SYT17: variants seen among roughly 807,000 people sequenced by gnomAD.
SYT17 encodes the protein synaptotagmin 17, also known as synaptotagmin-17.
SYT17 carries 22 observed loss-of-function variants against 46.7 expected under a neutral mutation model. That is an observed-to-expected ratio of 0.47 (90% CI 0.34 to 0.67). The LOEUF is 0.67. Ranked by LOEUF, SYT17 falls within the 30% of genes least tolerant of loss-of-function variation. The pLI is 0.01. For synonymous variants in SYT17, 251 were observed against 248.4 expected (o/e 1.01, Z -0.10); for missense variants, 519 against 612.8 (o/e 0.85, Z 1.62).
At chr16:19,211,726 C>T (rs150650924) in intron 5 of SYT17, among the ~76,000 whole-genome samples, 2,826 of 151,958 alleles carry the variant, frequency 0.019, 95 homozygotes, top group African/African-American at 0.063. Flanking sequence ...CCCGGGTTCA[C>T]GGCATTCCCC....
chr16:19,214,013 C>A (rs1436430308), intron 5 of SYT17, among the ~76,000 whole-genome samples: 8 of 152,122 alleles, frequency 5.3e-5, no homozygotes. Flanking sequence ...CTGTCTTGTA[C>A]CTTGTAGGAT....
At chr16:19,235,516 G>T (rs2142928503) in intron 7 of SYT17, among the ~76,000 whole-genome samples, 2 of 152,206 alleles carry the variant, frequency 1.3e-5, no homozygotes, top group Middle Eastern at 3.4e-3. Flanking sequence ...ATTAAAAATG[G>T]CCAGGATACA....
chr16:19,202,132 G>A (rs187504138), intron 5 of SYT17, among the ~76,000 whole-genome samples: 1 of 151,994 alleles, frequency 6.6e-6, no homozygotes, highest in Non-Finnish European at 1.5e-5. Context: ...TAAATGCCTG[G>A]AGTTAGTGCA....
intron 7 of SYT17, among the ~76,000 whole-genome samples, chr16:19,263,900 G>C (rs1969176894): frequency 6.6e-6 from 1 of 152,290 alleles, no homozygotes; most frequent in African/African-American, 2.4e-5. Flanking sequence ...CAGCTGCTGT[G>C]GTCTGAATAG....
intron 7 of SYT17, among the ~76,000 whole-genome samples, chr16:19,228,344 T>G (rs1966568665): frequency 6.6e-6 from 1 of 152,142 alleles, no homozygotes; most frequent in African/African-American, 2.4e-5. Context: ...GCTTCTCTCC[T>G]GTAAGTTTTG....
intron 7 of SYT17, among the ~76,000 whole-genome samples, chr16:19,235,215 GT>G (rs1966836447): frequency 6.6e-6 from 1 of 152,060 alleles, no homozygotes; most frequent in Non-Finnish European, 1.5e-5. Context: ...CCATAAAACT[GT>G]GTATGTACTA....
chr16:19,212,768 A>G (rs1457517193), intron 5 of SYT17, among the ~76,000 whole-genome samples: 1 of 152,264 alleles, frequency 6.6e-6, no homozygotes, highest in African/African-American at 2.4e-5. Flanking sequence ...AAGACTTCAC[A>G]GAGTTGGAGA....
Position 19,262,252 on chromosome 16 carries a change from G to C in SYT17, c.1229-4628G>C, listed in dbSNP as rs1969030400. On this transcript the variant is annotated intron_variant, in intron 7 of 7. Transcript: ENST00000355377. ...CTAATCCCCATGTGGGAGGTGATTAGACCATGAAGGCTCTGTCCTCATGAA... is the reference window on the plus strand; with the variant it reads ...CTAATCCCCATGTGGGAGGTGATTACACCATGAAGGCTCTGTCCTCATGAA... 1.3e-5 allele frequency among the ~76,000 whole-genome samples: 2 copies of C among 152,194 alleles called. 1 individual carries two copies. Among genetic ancestry groups the C allele is most frequent in the Admixed American group, 1.3e-4 (2 of 15,282 alleles).
chr16:19,232,477 A>G (rs1966735655), intron 7 of SYT17, among the ~76,000 whole-genome samples: 1 of 152,162 alleles, frequency 6.6e-6, no homozygotes, highest in African/African-American at 2.4e-5. Context: ...TTGGGAAACA[A>G]ATAGACCCAG....
chr16:19,236,338 A>T (rs923616039), intron 7 of SYT17, among the ~76,000 whole-genome samples: 5 of 152,208 alleles, frequency 3.3e-5, no homozygotes, highest in African/African-American at 1.2e-4. Context: ...CAACAAACAT[A>T]TAAGTTATGA....
chr16:19,259,265 A>C (rs7202507), intron 7 of SYT17, among the ~76,000 whole-genome samples: 7,688 of 152,212 alleles, frequency 0.051, 626 homozygotes, highest in African/African-American at 0.17. Context: ...TGTGAGAGTA[A>C]AGTTTCCACT....
intron 7 of SYT17, among the ~76,000 whole-genome samples, chr16:19,260,503 C>CAAAAA (rs58392770): frequency 2.6e-5 from 2 of 76,194 alleles, no homozygotes; most frequent in African/African-American, 4.7e-5. Context: ...GACCTTGTCT[C>CAAAAA]AAAAAAAAAA....
intron 5 of SYT17, among the ~76,000 whole-genome samples, chr16:19,208,884 C>CTTTTTTTTTTTTTTTTTTTTTTTT: frequency 1.6e-5 from 1 of 63,312 alleles, no homozygotes; most frequent in African/African-American, 7.0e-5. Context: ...CAAGGACCTT[C>CTTTTTTTTTTTTTTTTTTTTTTTT]TTTTTTTTTT....
intron 5 of SYT17, among the ~76,000 whole-genome samples, chr16:19,209,122 G>A (rs1965790253): frequency 6.6e-6 from 1 of 151,824 alleles, no homozygotes; most frequent in South Asian, 2.1e-4. Flanking sequence ...GCCTGCCTCA[G>A]CCTCTTAAAG....
At chr16:19,251,175 G>C (rs1282150367) in intron 7 of SYT17, among the ~76,000 whole-genome samples, 1 of 152,054 alleles carries the variant, frequency 6.6e-6, no homozygotes, top group Non-Finnish European at 1.5e-5. Context: ...GCATAATTTG[G>C]GATGCCGCAT....
chr16:19,258,765 G>A (rs1266006588), intron 7 of SYT17, among the ~76,000 whole-genome samples: 1 of 152,176 alleles, frequency 6.6e-6, no homozygotes, highest in Non-Finnish European at 1.5e-5. Context: ...GCAAAACACA[G>A]AATGATCTGG....
At chr16:19,264,912 G>C (rs987766947) in intron 7 of SYT17, among the ~76,000 whole-genome samples, 15 of 152,080 alleles carry the variant, frequency 9.9e-5, no homozygotes, top group African/African-American at 3.6e-4. Flanking sequence ...CTTTCTTAAA[G>C]CCCTTTCACA....
At chr16:19,184,615 C>T (rs1010832852) in intron 5 of SYT17, among the ~76,000 whole-genome samples, 6 of 151,546 alleles carry the variant, frequency 4.0e-5, no homozygotes, top group South Asian at 2.1e-4. Context: ...AGGATGGTCT[C>T]GATCTCCTGA....
At chr16:19,243,576 T>A (rs1967293310) in intron 7 of SYT17, among the ~76,000 whole-genome samples, 1 of 152,040 alleles carries the variant, frequency 6.6e-6, no homozygotes, top group Admixed American at 6.6e-5. Context: ...TTTGGGAGGC[T>A]GAGGCTGGCG....
Sources: gnomAD v4.1 joint callset for allele counts (sites outside exome capture counted in the v4.1 genomes callset) on GRCh38, gnomAD v4.1.1 for gene constraint, MANE v1.5 for transcripts, NCBI Gene and HGNC (gene_info 2026-07-23, HGNC 2026-07-21) for gene names.